The following LAMA2 variants were observed in gnomAD, a reference collection of about 807,000 sequenced individuals.
LAMA2 encodes the protein laminin subunit alpha 2.
LAMA2 carries 269 observed loss-of-function variants against 364.8 expected under a neutral mutation model. That is an observed-to-expected ratio of 0.74 (90% confidence interval 0.67 to 0.82). LAMA2 has a LOEUF of 0.82. Ranked by LOEUF, LAMA2 falls within the 40% of genes least tolerant of loss-of-function variation. The probability of loss-of-function intolerance (pLI) is 0.00; values close to 1 mark genes in which losing one functional copy is unlikely to be tolerated. For synonymous variants in LAMA2, 1,379 were observed against 1,370.6 expected, an observed-to-expected ratio of 1.01 and a Z score of -0.14; for missense variants, 3,807 against 3,873.2, an observed-to-expected ratio of 0.98 and a Z score of 0.45.
At chr6:129,196,130 A>G (rs961473588) in intron 12 of LAMA2, among the ~76,000 whole-genome samples, 21 of 152,234 alleles carry the variant, frequency 1.4e-4, no homozygotes, top group African/African-American at 4.6e-4. Context: ...TTCTGTTTCT[A>G]GCTTAGAGAA....
chr6:129,127,381 A>G (rs1777179735), intron 4 of LAMA2, among the ~76,000 whole-genome samples: 1 of 152,196 alleles, frequency 6.6e-6, no homozygotes, highest in South Asian at 2.1e-4. Context: ...GCTAAATAGT[A>G]TTTCATCGTG....
intron 3 of LAMA2, among the ~76,000 whole-genome samples, chr6:129,086,444 T>G (rs934305033): frequency 6.6e-6 from 1 of 152,210 alleles, no homozygotes. Context: ...AAGGCAAACT[T>G]GCTTCATAAC....
At position 128,890,316 on chromosome 6, in the gene LAMA2, A is replaced by G. The variant is rs6926420; in HGVS notation, c.112+6959A>G. Among the ~76,000 whole-genome samples, 1,414 of 152,246 alleles carry G rather than the reference A, an allele frequency of 9.3e-3. 27 individuals carry two copies. Among genetic ancestry groups the G allele is most frequent in the African/African-American group, 0.033 (1,358 of 41,546 alleles). Reference sequence around the variant, plus strand: ...TTGTCAAGGACAAACAAAAATTCCAATGCTTATTTTAGAATTAGAAATTAA... The same window carrying G: ...TTGTCAAGGACAAACAAAAATTCCAGTGCTTATTTTAGAATTAGAAATTAA... On this transcript the variant is annotated intron_variant, in intron 1 of 64. Coordinates refer to ENST00000421865, the MANE Select transcript of LAMA2 (RefSeq NM_000426.4).
At chr6:129,107,697 A>T (rs1223159147) in intron 4 of LAMA2, among the ~76,000 whole-genome samples, 3 of 152,162 alleles carry the variant, frequency 2.0e-5, no homozygotes, top group African/African-American at 7.2e-5. Flanking sequence ...TCCCATGTAT[A>T]AATTCATATA....
intron 1 of LAMA2, among the ~76,000 whole-genome samples, chr6:128,978,350 T>C (rs1215292385): frequency 2.8e-5 from 4 of 141,120 alleles, no homozygotes; most frequent in Non-Finnish European, 4.5e-5. Context: ...TCTTTCTTTC[T>C]TTTTTTTTTT....
chr6:128,918,606 T>C (rs1347823315), intron 1 of LAMA2, among the ~76,000 whole-genome samples: 1 of 152,206 alleles, frequency 6.6e-6, no homozygotes, highest in African/African-American at 2.4e-5. Flanking sequence ...GTCTTCCTCA[T>C]CTTCATTGTC....
At position 129,062,942 on chromosome 6, in the gene LAMA2, A is replaced by T. The variant is rs1471848193; in HGVS notation, c.396+3046A>T. 4.2e-5 allele frequency among the ~76,000 whole-genome samples: 6 copies of T among 141,340 alleles called. No individual in the cohort carries two copies. In the East Asian group the frequency reaches 6.4e-4, roughly 15 times the overall value. 92.7% of individuals were successfully genotyped at this position (141,340 alleles called of 152,430 possible). On this transcript the variant is annotated intron_variant, in intron 3 of 64. Coordinates refer to ENST00000421865, the MANE Select transcript of LAMA2 (RefSeq NM_000426.4). ...TTTTTTTTTTTTTTTACATTTTAAC[A>T]TTCAAGATAAGCACTAGAAAAAATA...
rs185536938 is a variant in LAMA2 at position 129,035,020 on chromosome 6, A to T, written c.113-14898A>T. The stretch of plus-strand genomic sequence containing the variant: ...TACCCAGTAATGGGATTGCTATATC[A>T]AATAGTAGTTCTCTTTTTTGTTCTT... On this transcript the variant is annotated intron_variant, in intron 1 of 64. Transcript: ENST00000421865. 1.9e-3 allele frequency among the ~76,000 whole-genome samples: 292 copies of T among 152,300 alleles called. 5 individuals are homozygous for T. Among genetic ancestry groups the T allele is most frequent in the Non-Finnish European group, 1.5e-3 (103 of 67,988 alleles).
intron 8 of LAMA2, among the ~76,000 whole-genome samples, chr6:129,156,490 A>G (rs1779121515): frequency 6.6e-6 from 1 of 150,994 alleles, no homozygotes; most frequent in Admixed American, 6.6e-5. Context: ...AATTTTGAAT[A>G]TTGACTTTAT....
intron 12 of LAMA2, among the ~76,000 whole-genome samples, chr6:129,239,340 T>G (rs1785237458): frequency 6.6e-6 from 1 of 152,202 alleles, no homozygotes; most frequent in Non-Finnish European, 1.5e-5. Context: ...TAATACTATC[T>G]GTACAAGAAA....
Position 129,344,362 on chromosome 6 carries a change from G to A in LAMA2, c.4436+1895G>A, listed in dbSNP as rs558029996. 2.1e-4 allele frequency among the ~76,000 whole-genome samples: 32 copies of A among 152,316 alleles called. 1 individual carries two copies. The highest frequency in any genetic ancestry group is 7.2e-4 in the African/African-American group (30 of 41,570). On this transcript the variant is annotated intron_variant, in intron 30 of 64. Transcript: ENST00000421865. The stretch of plus-strand genomic sequence containing the variant: ...TTCGGAAACTAATTAGATGTGAGGG[G>A]TGAGGGTCCGGGCAGAAGTTGAAGA...
chr6:129,309,823 G>A (rs1386664090), intron 22 of LAMA2, among the ~76,000 whole-genome samples: 1 of 151,818 alleles, frequency 6.6e-6, no homozygotes, highest in Non-Finnish European at 1.5e-5. Context: ...CCTTATTGCA[G>A]CCTTTCTACT....
At chr6:129,033,296 A>G (rs568296702) in intron 1 of LAMA2, among the ~76,000 whole-genome samples, 2 of 152,152 alleles carry the variant, frequency 1.3e-5, no homozygotes, top group South Asian at 4.1e-4. Context: ...TAAGCCAGAG[A>G]AAACATAATG....
chr6:129,188,760 C>T (rs1045506712), intron 10 of LAMA2, among the ~76,000 whole-genome samples: 2 of 151,902 alleles, frequency 1.3e-5, no homozygotes, highest in Non-Finnish European at 2.9e-5. Flanking sequence ...CATAGAAATT[C>T]AGTATCAAAA....
chr6:128,952,571 A>T (rs746139311), intron 1 of LAMA2, among the ~76,000 whole-genome samples: 6 of 152,120 alleles, frequency 3.9e-5, no homozygotes, highest in Non-Finnish European at 7.4e-5. Context: ...AATTTCATCT[A>T]TATTTAGGAG....
chr6:129,301,897 AG>A (rs567467017), intron 22 of LAMA2, among the ~76,000 whole-genome samples: 1 of 151,884 alleles, frequency 6.6e-6, no homozygotes, highest in Non-Finnish European at 1.5e-5. Flanking sequence ...TGTTTTTTTG[AG>A]GGGGGGTTTG....
At chr6:129,414,289 G>A (rs1780679587) in intron 40 of LAMA2, among the ~76,000 whole-genome samples, 1 of 151,904 alleles carries the variant, frequency 6.6e-6, no homozygotes, top group African/African-American at 2.4e-5. Flanking sequence ...TCCCAAGAAT[G>A]GAAAAAGAAG....
At chr6:129,346,005 G>C (rs1776529276) in intron 30 of LAMA2, among the ~76,000 whole-genome samples, 1 of 152,168 alleles carries the variant, frequency 6.6e-6, no homozygotes, top group Non-Finnish European at 1.5e-5. Flanking sequence ...ACTTCAATCT[G>C]TGCAGTCAGT....
chr6:129,141,799 T>C (rs747082541), intron 4 of LAMA2, among the ~76,000 whole-genome samples: 13 of 152,118 alleles, frequency 8.5e-5, no homozygotes, highest in Non-Finnish European at 1.8e-4. Flanking sequence ...CCCAAGCATC[T>C]CCCAGATAGC....
Sources: gnomAD v4.1 joint callset for allele counts (sites outside exome capture counted in the v4.1 genomes callset) on GRCh38, gnomAD v4.1.1 for gene constraint, MANE v1.5 for transcripts, NCBI Gene and HGNC (gene_info 2026-07-23, HGNC 2026-07-21) for gene names.